The following MTERF4 variants were observed in gnomAD, a reference collection of about 807,000 sequenced individuals.
MTERF4 encodes the protein mitochondrial transcription termination factor 4.
MTERF4 carries 17 observed loss-of-function variants against 22.5 expected under a neutral mutation model. The ratio of observed to expected loss-of-function variants is 0.75; its 90% CI spans 0.52 to 1.13. The LOEUF (loss-of-function observed/expected upper bound fraction) is 1.13, where lower values mean the gene tolerates loss of function less well. Ranked by LOEUF, MTERF4 falls within the 50% of genes most tolerant of loss-of-function variation. The probability of loss-of-function intolerance (pLI) is 0.00; values close to 1 mark genes in which losing one functional copy is unlikely to be tolerated. For synonymous variants in MTERF4, 165 were observed against 175.3 expected, an observed-to-expected ratio of 0.94 and a Z score of 0.47; for missense variants, 420 against 466.8, an observed-to-expected ratio of 0.90 and a Z score of 0.92.
downstream of MTERF4, chr2:241,090,523 T>A: frequency 1.4e-6 from 2 of 1,418,640 alleles, no homozygotes; most frequent in Non-Finnish European, 1.9e-6. Flanking sequence ...TATTATGTAC[T>A]CTACATAATT....
At chr2:241,090,163 A>C, downstream of MTERF4, 2 of 1,460,748 alleles carry the variant, frequency 1.4e-6, no homozygotes, top group Non-Finnish European at 1.8e-6. Context: ...ACGGATGTTC[A>C]AAATTGTTTT....
chr2:241,087,798 A>G (rs2063662117), downstream of MTERF4: 1 of 821,606 alleles, frequency 1.2e-6, no homozygotes, highest in South Asian at 4.8e-5. Flanking sequence ...AATGGCCGAT[A>G]TAGCGCGTCG....
the MTERF4 span, among the ~76,000 whole-genome samples, chr2:241,055,521 CACT>C: frequency 5.3e-5 from 8 of 152,180 alleles, no homozygotes; most frequent in East Asian, 1.9e-4. Flanking sequence ...AGAATACCAC[CACT>C]GTCACTGTAA....
At chr2:241,083,603 C>T (rs2063434866), downstream of MTERF4, among the ~76,000 whole-genome samples, 1 of 152,140 alleles carries the variant, frequency 6.6e-6, no homozygotes, top group Non-Finnish European at 1.5e-5. Flanking sequence ...CCACTGAATT[C>T]GGATTCTATG....
At chr2:241,064,680 G>A in the MTERF4 span, among the ~76,000 whole-genome samples, 7 of 152,170 alleles carry the variant, frequency 4.6e-5, no homozygotes, top group Non-Finnish European at 7.4e-5. This position sits in a 1 kb window ranked among gnomAD's most constrained non-coding sequence, Gnocchi z 7.0. Context: ...GGGCCCCGCA[G>A]GGCAGTGGAG....
downstream of MTERF4, chr2:241,082,317 C>G (rs558175262): frequency 5.6e-6 from 9 of 1,613,606 alleles, no homozygotes; most frequent in Admixed American, 1.5e-4. Flanking sequence ...GGCTGTTCTC[C>G]GAGACAAAGG....
At chr2:241,057,233 G>T in the MTERF4 span, among the ~76,000 whole-genome samples, 3 of 151,678 alleles carry the variant, frequency 2.0e-5, no homozygotes, top group Non-Finnish European at 4.4e-5. Flanking sequence ...ACAAAAATTA[G>T]CTGGGCATGG....
chr2:241,060,112 A>G, the MTERF4 span, among the ~76,000 whole-genome samples: 1 of 152,246 alleles, frequency 6.6e-6, no homozygotes, highest in Non-Finnish European at 1.5e-5. Flanking sequence ...TTACATTAAT[A>G]GCATCAAAAA....
Position 241,099,707 on chromosome 2 carries a change from C to T in MTERF4, c.209G>A (p.Arg70Lys), listed in dbSNP as rs1304991147. The change falls in exon 2 of 4, where the codon AGG becomes AAG. Residue 70 changes from arginine to lysine, a missense_variant. Coordinates refer to ENST00000391980, the MANE Select transcript of MTERF4 (RefSeq NM_182501.4). ...SNNYVQEPEC[R>K]RNLVQCLLEK... ...AAGGAGGCACTGAACAAGATTCCTC[C>T]TGCACTCTGGTTCCTGCACATAGTT... 3 of 1,614,200 alleles carry T rather than the reference C, an allele frequency of 1.9e-6. 1 individual carries two copies. In the South Asian group the frequency reaches 3.3e-5, roughly 18 times the overall value.
the MTERF4 span, among the ~76,000 whole-genome samples, chr2:241,062,447 T>C: frequency 6.6e-6 from 1 of 152,230 alleles, no homozygotes; most frequent in Non-Finnish European, 1.5e-5. Context: ...CAGGTGACTA[T>C]TATACATTGA....
chr2:241,071,741 C>T (rs912903362), downstream of MTERF4: 6 of 1,462,072 alleles, frequency 4.1e-6, no homozygotes, highest in Non-Finnish European at 5.6e-6. Context: ...CACCCATCGG[C>T]CCCATCGCCC....
rs367589631 is a variant in MTERF4 at position 241,073,766 on chromosome 2, G to A, written n.2396C>T. ...CAGGATGGGAGAAGCAGAGGGAGCA[G>A]CCACTGGGCGAGCCCCAGCTTGAGG... is the stretch of plus-strand genomic sequence containing the variant. On this transcript the variant is annotated non_coding_transcript_exon_variant, in exon 5 of 5. Transcript: ENST00000464344. The surrounding 1 kb of genome is among the most constrained non-coding windows in gnomAD (Gnocchi z 6.6). 32 of 353,494 alleles carry A rather than the reference G, an allele frequency of 9.1e-5. No homozygotes were observed. Among genetic ancestry groups the A allele is most frequent in the African/African-American group, 6.4e-4 (31 of 48,802 alleles). 21.9% of individuals were successfully genotyped at this position (353,494 alleles called of 1,614,324 possible). A position where few individuals can be genotyped will look rare whatever the true frequency, so the allele number is the denominator to read the frequency against.
chr2:241,072,964 A>G, exon 5 of MTERF4: 1 of 429,558 alleles, frequency 2.3e-6, no homozygotes, highest in Middle Eastern at 6.0e-4. Context: ...GAAGAAAGCA[A>G]CCGCATCAGC....
chr2:241,096,362 A>C lies in MTERF4; in HGVS notation c.782T>G (p.Ile261Ser). Residue 261 changes from isoleucine to serine, a missense_variant, in exon 4 of 4, where the codon ATT becomes AGT. Ile to Ser is a moderately radical substitution (Grantham distance 142). Coordinates refer to ENST00000391980, the MANE Select transcript of MTERF4 (RefSeq NM_182501.4). This position sits in a 1 kb window ranked among gnomAD's most constrained non-coding sequence, Gnocchi z 5.1. The part of the protein sequence containing the change: ...SEYLQYSLTK[I>S]KQRHIYLERL... ...CTCCAGGTAAATGTGTCTCTGCTTA[A>C]TCTTGGTTAGTGAATACTGCAAGTA... 1 of 1,614,156 alleles carries C rather than the reference A, an allele frequency of 6.2e-7. No homozygotes were observed. The highest frequency in any genetic ancestry group is 1.3e-5 in the African/African-American group (1 of 75,024).
At chr2:241,068,441 G>A (rs1026408383), downstream of MTERF4, among the ~76,000 whole-genome samples, 4 of 152,090 alleles carry the variant, frequency 2.6e-5, no homozygotes, top group African/African-American at 9.7e-5. The surrounding 1 kb of genome is among the most constrained non-coding windows in gnomAD (Gnocchi z 5.3). Flanking sequence ...CTTCCGAATC[G>A]TGCTCAGCGC....
At position 241,096,256 on chromosome 2, in the gene MTERF4, A is replaced by G. The variant is rs1430791230; in HGVS notation, c.888T>C (p.Val296=). The change falls in exon 4 of 4, where the codon GTT becomes GTC. Residue 296 remains valine, a synonymous_variant. Coordinates refer to ENST00000391980, the MANE Select transcript of MTERF4 (RefSeq NM_182501.4). This position sits in a 1 kb window ranked among gnomAD's most constrained non-coding sequence, Gnocchi z 5.1. ...PNPLLKDILR[V]SEAEFLARTA... ...TCCTGGCCAAAAACTCAGCTTCTGA[A>G]ACTCTGAGAATGTCCTTGAGCAATG... The G allele has an allele frequency of 1.9e-6, 3 of 1,614,206 alleles. No individual in the cohort carries two copies. Among genetic ancestry groups the G allele is most frequent in the Non-Finnish European group, 2.5e-6 (3 of 1,180,036 alleles).
At chr2:241,069,793 A>G, downstream of MTERF4, 1 of 1,110,594 alleles carries the variant, frequency 9.0e-7, no homozygotes, top group Non-Finnish European at 1.3e-6. The surrounding 1 kb of genome is among the most constrained non-coding windows in gnomAD (Gnocchi z 4.9). Flanking sequence ...GCACTGTACC[A>G]TTCTCCATAA....
intron 1 of MTERF4, chr2:241,101,341 C>A: frequency 3.1e-6 from 1 of 323,396 alleles, no homozygotes; most frequent in Non-Finnish European, 6.6e-6. Context: ...GAATCTAAGG[C>A]GGCTGGTCTG....
downstream of MTERF4, among the ~76,000 whole-genome samples, chr2:241,089,698 T>C (rs1197204639): frequency 6.6e-6 from 1 of 152,238 alleles, no homozygotes; most frequent in East Asian, 1.9e-4. Flanking sequence ...TTGTAAGCAA[T>C]TTCCTACAGC....
Sources: gnomAD v4.1 joint callset for allele counts (sites outside exome capture counted in the v4.1 genomes callset) on GRCh38, gnomAD v4.1.1 for gene constraint, Gnocchi (gnomAD v3.1) non-coding constraint, MANE v1.5 for transcripts, NCBI Gene and HGNC (gene_info 2026-07-23, HGNC 2026-07-21) for gene names.